PRMT8: variants seen among roughly 807,000 people sequenced by gnomAD.
The protein encoded by PRMT8 is protein arginine methyltransferase 8, also known as protein arginine N-methyltransferase 8.
In PRMT8, 7 loss-of-function variants were observed where a neutral mutation model predicts 47.1. The ratio of observed to expected loss-of-function variants is 0.15; its 90% CI spans 0.08 to 0.28. The LOEUF (loss-of-function observed/expected upper bound fraction) is 0.28. Among genes scored for constraint, PRMT8 ranks in the 10% least tolerant of loss-of-function variants. The pLI, the probability that PRMT8 is intolerant of heterozygous loss-of-function variation, is 1.00. For synonymous variants in PRMT8, 188 were observed against 186.5 expected, an observed-to-expected ratio of 1.01 and a Z score of -0.07; for missense variants, 237 against 505.4, an observed-to-expected ratio of 0.47 and a Z score of 5.09.
At chr12:3,470,589 CA>C (rs1184212468) in intron 1 of PRMT8, among the ~76,000 whole-genome samples, 1 of 151,360 alleles carries the variant, frequency 6.6e-6, no homozygotes, top group Non-Finnish European at 1.5e-5. Flanking sequence ...GGGTGGGGGG[CA>C]TGGGGCAGGT....
intron 1 of PRMT8, among the ~76,000 whole-genome samples, chr12:3,449,510 T>TTA (rs1864895703): frequency 6.6e-6 from 1 of 152,232 alleles, no homozygotes; most frequent in Non-Finnish European, 1.5e-5. Flanking sequence ...TTTTTTCATA[T>TTA]GTTTGTTGGC....
In PRMT8 at chr12:3,386,767, T is replaced by C. The variant is rs552555338; in HGVS notation, c.48+5325T>C. Among the ~76,000 whole-genome samples, 58 of 151,944 alleles carry C rather than the reference T, an allele frequency of 3.8e-4. 1 individual carries two copies. In the South Asian group the frequency reaches 4.6e-3, roughly 12 times the overall value. On this transcript the variant is annotated intron_variant, in intron 1 of 9. Coordinates refer to the PRMT8 transcript ENST00000452611. ...CCCTGTCATCCAGGCTGGAGTGCAA[T>C]GGCGCAATCGTGGCTCACTGCAACT...
At chr12:3,548,657 G>A (rs1866367353) in intron 2 of PRMT8, among the ~76,000 whole-genome samples, 1 of 152,210 alleles carries the variant, frequency 6.6e-6, no homozygotes, top group Non-Finnish European at 1.5e-5. Context: ...CATCCACTAG[G>A]ATGGCTAAAT....
Position 3,552,785 on chromosome 12 carries a change from G to T in PRMT8, c.418-866G>T, listed in dbSNP as rs1327107175. 1 of 471,210 alleles carries T rather than the reference G, an allele frequency of 2.1e-6. No homozygotes were observed. The highest frequency in any genetic ancestry group is 4.3e-6 in the Non-Finnish European group (1 of 234,864). 29.2% of individuals were successfully genotyped at this position (471,210 alleles called of 1,614,324 possible). The stretch of plus-strand genomic sequence containing the variant: ...CTTTGCGAGTACTTCTCAAGGGAAT[G>T]GTCCCTGCCCGAGGCCTGGGGGTAG... On this transcript the variant is annotated intron_variant, in intron 3 of 9. Transcript: ENST00000382622. This position sits in a 1 kb window ranked among gnomAD's most constrained non-coding sequence, Gnocchi z 4.5.
At chr12:3,568,615 T>C (rs1319486525) in intron 4 of PRMT8, 91 bp from the exon 5 acceptor site, 15 of 1,468,006 alleles carry the variant, frequency 1.0e-5, no homozygotes, top group Non-Finnish European at 1.4e-5. Context: ...AGAATAGGGC[T>C]GAAACCTGGA....
At chr12:3,457,945 T>C (rs12312576) in intron 1 of PRMT8, among the ~76,000 whole-genome samples, 1,564 of 148,552 alleles carry the variant, frequency 0.011, 29 homozygotes, top group African/African-American at 0.036. Flanking sequence ...CGGGTTCAAG[T>C]GATTCCCCTG....
intron 1 of PRMT8, among the ~76,000 whole-genome samples, chr12:3,536,751 A>G (rs1866125063): frequency 6.6e-6 from 1 of 152,134 alleles, no homozygotes; most frequent in Non-Finnish European, 1.5e-5. Flanking sequence ...ACCGGAGTGC[A>G]ATGCTCGGGC....
At chr12:3,400,398 A>G (rs965723760) in intron 1 of PRMT8, among the ~76,000 whole-genome samples, 5 of 152,248 alleles carry the variant, frequency 3.3e-5, no homozygotes, top group African/African-American at 7.2e-5. Context: ...CACATAAACT[A>G]GAAAACCCAG....
In PRMT8 at chr12:3,519,111, C is replaced by T. The variant is rs903716339; in HGVS notation, c.76-21495C>T. Among the ~76,000 whole-genome samples, 14 of 152,052 alleles carry T rather than the reference C, an allele frequency of 9.2e-5. 1 individual carries two copies. Among genetic ancestry groups the T allele is most frequent in the South Asian group, 2.1e-4 (1 of 4,826 alleles). On this transcript the variant is annotated intron_variant, in intron 1 of 9. Coordinates refer to ENST00000382622, the MANE Select transcript of PRMT8 (RefSeq NM_019854.5). ...GACTGCTAAATCTTTGTCATTTTGG[C>T]AGAACTGTCCGTCTTTGCAGACGGA...
rs962247298 is a variant in PRMT8 at position 3,576,125 on chromosome 12, G to C, written c.713-746G>C. ...CTCCCTCCCATACAAAGTATCTTAT[G>C]AGTAGCCCAAAGGGGACAAGGAGCA... On this transcript the variant is annotated intron_variant, in intron 6 of 9. Coordinates refer to ENST00000382622, the MANE Select transcript of PRMT8 (RefSeq NM_019854.5). The surrounding 1 kb of genome is among the most constrained non-coding windows in gnomAD (Gnocchi z 4.0). 1.3e-5 allele frequency among the ~76,000 whole-genome samples: 2 copies of C among 152,182 alleles called. No homozygotes were observed. The highest frequency in any genetic ancestry group is 4.8e-5 in the African/African-American group (2 of 41,438).
In PRMT8 at chr12:3,491,386, C is replaced by A; in HGVS notation, c.-240C>A. ...AGAGGGGCGGGGAGGGGGTCGGGGG[C>A]ACGAGAAGAACTTGAAACCGTGTGA... On this transcript the variant is annotated 5_prime_UTR_variant, in exon 1 of 10. Transcript: ENST00000382622. 1 of 1,215,700 alleles carries A rather than the reference C, an allele frequency of 8.2e-7. No homozygotes were observed. The highest frequency in any genetic ancestry group is 1.0e-6 in the Non-Finnish European group (1 of 975,188). 75.3% of individuals were successfully genotyped at this position (1,215,700 alleles called of 1,614,324 possible). A position where few individuals can be genotyped will look rare whatever the true frequency, so the allele number is the denominator to read the frequency against.
At chr12:3,505,301 A>G (rs1341023129) in intron 1 of PRMT8, among the ~76,000 whole-genome samples, 2 of 152,158 alleles carry the variant, frequency 1.3e-5, no homozygotes, top group African/African-American at 2.4e-5. Context: ...ATGTTTTTGG[A>G]TGACACAATT....
intron 1 of PRMT8, among the ~76,000 whole-genome samples, chr12:3,457,077 G>C (rs1450568807): frequency 1.3e-5 from 2 of 152,104 alleles, no homozygotes; most frequent in Admixed American, 6.5e-5. Context: ...GTTTTGTTTT[G>C]TTTTGTTTTG....
Position 3,535,303 on chromosome 12 carries a change from G to A in PRMT8, c.76-5303G>A, listed in dbSNP as rs183467541. On this transcript the variant is annotated intron_variant, in intron 1 of 9. Transcript: ENST00000382622. The surrounding 1 kb of genome is among the most constrained non-coding windows in gnomAD (Gnocchi z 4.7). ...GTAGAGTGGGTAGACTAAGACAATCGCACTTTATTTATTAGGGAGAAAAAC... is the reference window on the plus strand; with the variant it reads ...GTAGAGTGGGTAGACTAAGACAATCACACTTTATTTATTAGGGAGAAAAAC... Among the ~76,000 whole-genome samples, 32 of 152,296 alleles carry A rather than the reference G, an allele frequency of 2.1e-4. No homozygotes were observed. Among genetic ancestry groups the A allele is most frequent in the African/African-American group, 5.3e-4 (22 of 41,558 alleles).
At chr12:3,450,295 A>G (rs948632557) in intron 1 of PRMT8, among the ~76,000 whole-genome samples, 11 of 152,218 alleles carry the variant, frequency 7.2e-5, no homozygotes, top group Non-Finnish European at 1.3e-4. Flanking sequence ...TGGATGTTGA[A>G]TGGATCTTTT....
Position 3,540,614 on chromosome 12 carries a change from C to CCCCCCCCCG in PRMT8, c.90_91insCCGCCCCCC (p.Pro30_Ser31insProProPro). On this transcript the variant is annotated inframe_insertion, in exon 2 of 10. Coordinates refer to ENST00000382622, the MANE Select transcript of PRMT8 (RefSeq NM_019854.5). Reference sequence around the variant, plus strand: ...CCTTCTCTTCCCCTCAGGTGAACAGCCCCCCCTCCCAGCCCCCCCAGCCCG... The same window carrying CCCCCCCCCG: ...CCTTCTCTTCCCCTCAGGTGAACAGCCCCCCCCCGCCCCCCTCCCAGCCCCCCCAGCCCG... 6 of 716,466 alleles carry CCCCCCCCCG rather than the reference C, an allele frequency of 8.4e-6. No homozygotes were observed. Among genetic ancestry groups the CCCCCCCCCG allele is most frequent in the Non-Finnish European group, 1.5e-5 (6 of 402,650 alleles). 44.4% of individuals were successfully genotyped at this position (716,466 alleles called of 1,614,324 possible).
At chr12:3,399,532 G>A (rs769367578) in intron 1 of PRMT8, among the ~76,000 whole-genome samples, 13 of 152,094 alleles carry the variant, frequency 8.5e-5, no homozygotes, top group Admixed American at 5.2e-4. Flanking sequence ...GAAGGGAGCC[G>A]GGCCCCAGAG....
At chr12:3,470,963 G>T (rs1329221667) in intron 1 of PRMT8, among the ~76,000 whole-genome samples, 3 of 152,182 alleles carry the variant, frequency 2.0e-5, no homozygotes, top group African/African-American at 7.2e-5. Flanking sequence ...CTGACAGTGG[G>T]GCTTTCCTTC....
At chr12:3,415,167 AGTGTATT>A (rs1023970058) in intron 1 of PRMT8, among the ~76,000 whole-genome samples, 1 of 152,082 alleles carries the variant, frequency 6.6e-6, no homozygotes, top group African/African-American at 2.4e-5. Flanking sequence ...TACATTTGCC[AGTGTATT>A]GTAAGGGCTA....
Sources: allele counts gnomAD v4.1 joint callset (sites outside exome capture counted in the v4.1 genomes callset), GRCh38; gene constraint gnomAD v4.1.1; non-coding constraint Gnocchi (gnomAD v3.1); transcripts MANE v1.5; gene names NCBI Gene and HGNC (gene_info 2026-07-23, HGNC 2026-07-21).